The following RBM8A variants were observed in gnomAD, a reference collection of about 807,000 sequenced individuals.
The protein encoded by RBM8A is RNA binding motif protein 8A.
A neutral mutation model predicts 25.1 loss-of-function variants in RBM8A; 8 were observed. The ratio of observed to expected loss-of-function variants is 0.32; its 90% CI spans 0.19 to 0.58. The LOEUF is 0.58. RBM8A is among the 20% of genes least tolerant of loss of function. RBM8A has a pLI of 0.88. For missense variants in RBM8A, 114 were observed against 236.8 expected (o/e 0.48, Z 3.40); for synonymous variants, 66 against 80.0 (o/e 0.82, Z 0.94).
Position 145,924,831 on chromosome 1 carries a change from T to C in RBM8A, c.*1051A>G, listed in dbSNP as rs1450554138. ...AATTCCTAGCCCCTGCTGGTGAATTTGCCCTCCCCCGCTCCTTTGACAATT... is the reference window on the plus strand; with the variant it reads ...AATTCCTAGCCCCTGCTGGTGAATTCGCCCTCCCCCGCTCCTTTGACAATT... On this transcript the variant is annotated 3_prime_UTR_variant, in exon 6 of 6. Coordinates refer to ENST00000583313, the MANE Select transcript of RBM8A (RefSeq NM_005105.5). 1 of 341,504 alleles carries C rather than the reference T, an allele frequency of 2.9e-6. No homozygotes were observed. The highest frequency in any genetic ancestry group is 7.9e-5 in the East Asian group (1 of 12,726). 21.2% of individuals were successfully genotyped at this position (341,504 alleles called of 1,614,324 possible).
intron 4 of RBM8A, 138 bp downstream of exon 4, chr1:145,926,344 G>A: frequency 6.9e-7 from 1 of 1,457,752 alleles, no homozygotes; most frequent in Non-Finnish European, 9.3e-7. Flanking sequence ...CTGTCTCTTT[G>A]GCGTGTCTGA....
In RBM8A at chr1:145,925,579, G is replaced by A. The variant is rs1648099198; in HGVS notation, c.*303C>T. 12 of 360,894 alleles carry A rather than the reference G, an allele frequency of 3.3e-5. No homozygotes were observed. The highest frequency in any genetic ancestry group is 2.6e-4 in the South Asian group (11 of 42,546). 22.4% of individuals were successfully genotyped at this position (360,894 alleles called of 1,614,324 possible). A position where few individuals can be genotyped will look rare whatever the true frequency, so the allele number is the denominator to read the frequency against. Reference sequence around the variant, plus strand: ...TATGATCAGCTGCAATCCACCCTGGGTAACACAGCAAGACTCTATCTCAAA... The same window carrying A: ...TATGATCAGCTGCAATCCACCCTGGATAACACAGCAAGACTCTATCTCAAA... On this transcript the variant is annotated 3_prime_UTR_variant, in exon 6 of 6. Coordinates refer to ENST00000583313, the MANE Select transcript of RBM8A (RefSeq NM_005105.5).
At chr1:145,926,429 T>A (rs1228263306) in intron 4 of RBM8A, 53 bp downstream of exon 4, 3 of 1,591,556 alleles carry the variant, frequency 1.9e-6, no homozygotes, top group Admixed American at 1.8e-5. Context: ...GAACTACGAA[T>A]GCTACCTAAG....
Position 145,926,090 on chromosome 1 carries a change from T to C in RBM8A, c.430A>G (p.Ile144Val). The C allele has an allele frequency of 1.2e-6, 2 of 1,614,252 alleles. No individual in the cohort carries two copies. Among genetic ancestry groups the C allele is most frequent in the South Asian group, 1.1e-5 (1 of 91,088 alleles). ...LNGQDLMGQP[I>V]SVDWCFVRGP... ...CGAACAAAACACCAGTCAACGCTGA[T>C]GGGCTGTCCCATCAAATCCTGGCCA... The change falls in exon 5 of 6, where the codon ATC (isoleucine) becomes GTC (valine). Residue 144 changes from isoleucine (I) to valine (V), a missense_variant. Physicochemically the swap from Ile to Val is conservative, Grantham distance 29 (BLOSUM62 3). Coordinates refer to ENST00000583313, the MANE Select transcript of RBM8A (RefSeq NM_005105.5).
rs190627094 is a variant in RBM8A, at chr1:145,923,955, C to T, written c.*1927G>A. The stretch of plus-strand genomic sequence containing the variant: ...ATTTAACAAACTTACTGTTCAGCAT[C>T]ATATTCAAGCCTAAAAGGAAGATAG... On this transcript the variant is annotated 3_prime_UTR_variant, in exon 6 of 6. Transcript: ENST00000583313. 5.8e-4 allele frequency: 354 copies of T among 609,964 alleles called. 2 individuals are homozygous for T. In the African/African-American group the frequency reaches 5.8e-3, roughly 10 times the overall value. 37.8% of individuals were successfully genotyped at this position (609,964 alleles called of 1,614,324 possible). A position where few individuals can be genotyped will look rare whatever the true frequency, so the allele number is the denominator to read the frequency against.
rs1647956970 is a variant in RBM8A, at chr1:145,923,981, G to A, written c.*1901C>T. 3 of 615,452 alleles carry A rather than the reference G, an allele frequency of 4.9e-6. No homozygotes were observed. Among genetic ancestry groups the A allele is most frequent in the Admixed American group, 2.9e-5 (1 of 34,504 alleles). The allele number at this position is 615,452 out of a possible 1,614,324, so 38.1% of individuals were successfully genotyped here. A position where few individuals can be genotyped will look rare whatever the true frequency, so the allele number is the denominator to read the frequency against. On this transcript the variant is annotated 3_prime_UTR_variant, in exon 6 of 6. Transcript: ENST00000583313. ...ATATTCAAGCCTAAAAGGAAGATAGGATTTTCAAGATATATTTCCAACTTC... is the reference window on the plus strand; with the variant it reads ...ATATTCAAGCCTAAAAGGAAGATAGAATTTTCAAGATATATTTCCAACTTC...
rs1553756106 is a variant in RBM8A at position 145,927,089 on chromosome 1, G to T, written c.68-12C>A. 6.2e-7 allele frequency: 1 copy of T among 1,611,402 alleles called. No individual in the cohort carries two copies. The highest frequency in any genetic ancestry group is 1.7e-5 in the Admixed American group (1 of 59,988). On this transcript the variant is annotated splice_polypyrimidine_tract_variant and intron_variant, in intron 1 of 5. Coordinates refer to ENST00000583313, the MANE Select transcript of RBM8A (RefSeq NM_005105.5). Reference sequence around the variant, plus strand: ...TTTGTGAATGCTCTCTGGAACCCCAGAAGATAAAAGAATAAGTAACTATGA... The same window carrying T: ...TTTGTGAATGCTCTCTGGAACCCCATAAGATAAAAGAATAAGTAACTATGA...
chr1:145,925,848 T>G lies in RBM8A; in HGVS notation c.*34A>C. 2 of 1,594,982 alleles carry G rather than the reference T, an allele frequency of 1.3e-6. No individual in the cohort carries two copies. Among genetic ancestry groups the G allele is most frequent in the Non-Finnish European group, 1.7e-6 (2 of 1,164,034 alleles). On this transcript the variant is annotated 3_prime_UTR_variant, in exon 6 of 6. Coordinates refer to ENST00000583313, the MANE Select transcript of RBM8A (RefSeq NM_005105.5). ...TCCAAGGCTGCATGGTCAAATGGAA[T>G]CTTGAAGAGAACACCTGGACAACAG... is the stretch of plus-strand genomic sequence containing the variant.
chr1:145,926,853 T>A lies in RBM8A; in HGVS notation c.161A>T (p.Tyr54Phe). The A allele has an allele frequency of 6.2e-7, 1 of 1,614,128 alleles. No individual in the cohort carries two copies. ...ATCGCCATCCTGCTCCACGCTGTCATAATCCTCACGCATCCGCGCTCGGGA... is the reference window on the plus strand; with the variant it reads ...ATCGCCATCCTGCTCCACGCTGTCAAAATCCTCACGCATCCGCGCTCGGGA... ...EGSRARMRED[Y>F]DSVEQDGDEP... The change falls in exon 3 of 6, where the codon TAT (tyrosine) becomes TTT (phenylalanine). Residue 54 changes from tyrosine (Y) to phenylalanine (F), a missense_variant. Physicochemically the swap from Tyr to Phe is conservative, Grantham distance 22. This residue lies in a region of RBM8A where 102 missense variants were observed against 182.7 expected (regional missense o/e 0.56). Coordinates refer to ENST00000583313, the MANE Select transcript of RBM8A (RefSeq NM_005105.5).
At chr1:145,926,232 TGAG>T in intron 4 of RBM8A, 55 bp from the exon 5 acceptor site, 1 of 1,599,230 alleles carries the variant, frequency 6.3e-7, no homozygotes, top group Non-Finnish European at 8.5e-7. Flanking sequence ...CAAGTATCAC[TGAG>T]TATCTTTTTC....
In RBM8A at chr1:145,927,112, T is replaced by C. The variant is rs782455854; in HGVS notation, c.68-35A>G. ...CAGAAGATAAAAGAATAAGTAACTA[T>C]GACAGTCATTTGTAACAATCGTCTC... On this transcript the variant is annotated intron_variant, in intron 1 of 5. Coordinates refer to ENST00000583313, the MANE Select transcript of RBM8A (RefSeq NM_005105.5). 19 of 1,603,898 alleles carry C rather than the reference T, an allele frequency of 1.2e-5. No homozygotes were observed. The Middle Eastern group carries it at 6.6e-4, about 56-fold the overall frequency.
At position 145,925,450 on chromosome 1, in the gene RBM8A, TA is replaced by T. The variant is rs1648093325; in HGVS notation, c.*431del. 1 of 357,818 alleles carries T rather than the reference TA, an allele frequency of 2.8e-6. No homozygotes were observed. Among genetic ancestry groups the T allele is most frequent in the Non-Finnish European group, 5.5e-6 (1 of 183,356 alleles). 22.2% of individuals were successfully genotyped at this position (357,818 alleles called of 1,614,324 possible). Reference sequence around the variant, plus strand: ...CAAGACCCCATCTCTACAAAAATATTAAAAATTTAGCTGGGCATGGTGGCAT... The same window carrying T: ...CAAGACCCCATCTCTACAAAAATATTAAAATTTAGCTGGGCATGGTGGCAT... On this transcript the variant is annotated 3_prime_UTR_variant, in exon 6 of 6. Coordinates refer to ENST00000583313, the MANE Select transcript of RBM8A (RefSeq NM_005105.5).
intron 1 of RBM8A, 133 bp from the exon 2 acceptor site, chr1:145,927,210 T>C (rs1648209089): frequency 2.1e-6 from 3 of 1,463,150 alleles, no homozygotes; most frequent in Admixed American, 3.9e-5. Flanking sequence ...ACGCCCTCCC[T>C]TCTCCTGAAG....
rs1256076583 is a variant in RBM8A, at chr1:145,922,520, C to G, written c.*3362G>C. 1.3e-5 allele frequency: 2 copies of G among 152,160 alleles called. No individual in the cohort carries two copies. Among genetic ancestry groups the G allele is most frequent in the Admixed American group, 6.5e-5 (1 of 15,280 alleles). 9.4% of individuals were successfully genotyped at this position (152,160 alleles called of 1,614,324 possible). A position where few individuals can be genotyped will look rare whatever the true frequency, so the allele number is the denominator to read the frequency against. On this transcript the variant is annotated 3_prime_UTR_variant, in exon 6 of 6. Transcript: ENST00000583313. The stretch of plus-strand genomic sequence containing the variant: ...TGATGCAATGGGAAATGAATTTCAT[C>G]CTTTCTTACAGCCTGACAATCTGAC...
intron 4 of RBM8A, 40 bp from the exon 5 acceptor site, chr1:145,926,217 T>C: frequency 6.2e-7 from 1 of 1,606,682 alleles, no homozygotes; most frequent in Non-Finnish European, 8.5e-7. Flanking sequence ...ACCCTCCTAT[T>C]TCCCCAAGTA....
Position 145,927,354 on chromosome 1 carries a change from C to T in RBM8A, c.67+6G>A, listed in dbSNP as rs1553756177. ...GCTTCCCACCAGCCGTCTCCACTGT[C>T]CTCACCGTCCCCATCCTCATCCATG... On this transcript the variant is annotated splice_donor_region_variant and intron_variant, in intron 1 of 5. Transcript: ENST00000583313. 1.2e-6 allele frequency: 2 copies of T among 1,611,936 alleles called. No individual in the cohort carries two copies. Among genetic ancestry groups the T allele is most frequent in the South Asian group, 2.2e-5 (2 of 90,466 alleles).
At chr1:145,926,433 A>T in intron 4 of RBM8A, 49 bp downstream of exon 4, 1 of 1,605,194 alleles carries the variant, frequency 6.2e-7, no homozygotes, top group Non-Finnish European at 8.5e-7. Context: ...TACGAATGCT[A>T]CCTAAGGCTT....
chr1:145,926,893 G>C lies in RBM8A; in HGVS notation c.128-7C>G, dbSNP rs190827695. ...CGCGCTCGGGACCCCTCTTCTATAA[G>C]GGACATACACGAGATCACCGAAAAC... On this transcript the variant is annotated splice_region_variant and splice_polypyrimidine_tract_variant and intron_variant, in intron 2 of 5. Coordinates refer to ENST00000583313, the MANE Select transcript of RBM8A (RefSeq NM_005105.5). The C allele has an allele frequency of 1.3e-5, 21 of 1,613,802 alleles. No individual in the cohort carries two copies. The South Asian group carries it at 1.9e-4, about 14-fold the overall frequency.
rs1474594597 is a variant in RBM8A at position 145,922,069 on chromosome 1, C to T, written c.*3813G>A. 4 of 152,084 alleles carry T rather than the reference C, an allele frequency of 2.6e-5. No individual in the cohort carries two copies. Among genetic ancestry groups the T allele is most frequent in the Non-Finnish European group, 5.9e-5 (4 of 68,038 alleles). 9.4% of individuals were successfully genotyped at this position (152,084 alleles called of 1,614,324 possible). ...CGAAACCCCATCTCTACTAAAAATA[C>T]AAAAATTAGCCGGGTATAGTGGTGA... On this transcript the variant is annotated 3_prime_UTR_variant, in exon 6 of 6. Coordinates refer to ENST00000583313, the MANE Select transcript of RBM8A (RefSeq NM_005105.5).
Sources: allele counts gnomAD v4.1 joint callset, GRCh38; gene constraint gnomAD v4.1.1; regional missense constraint gnomAD v4.1.1; transcripts MANE v1.5; gene names NCBI Gene and HGNC (gene_info 2026-07-23, HGNC 2026-07-21).